MAP3K5: variants seen among roughly 807,000 people sequenced by gnomAD.
The protein encoded by MAP3K5 is ASK-1.
MAP3K5 carries 56 observed loss-of-function variants against 158.7 expected under a neutral mutation model. That is an observed-to-expected ratio of 0.35 (90% CI 0.28 to 0.44). MAP3K5 has a LOEUF of 0.44. Among genes scored for constraint, MAP3K5 ranks in the 20% least tolerant of loss-of-function variants. The pLI is 1.00. For synonymous variants in MAP3K5, 579 were observed against 601.7 expected (o/e 0.96, Z 0.55); for missense variants, 1,294 against 1,674.8 (o/e 0.77, Z 3.97).
In MAP3K5 at chr6:136,724,434, G is replaced by C. The variant is rs141300211; in HGVS notation, c.449-3845C>G. On this transcript the variant is annotated intron_variant, in intron 1 of 29. Coordinates refer to ENST00000359015, the MANE Select transcript of MAP3K5 (RefSeq NM_005923.4). Reference sequence around the variant, plus strand: ...AGCTAATTTTTGTATTTTTAGTAGAGATGGGGTTTCGCCATGTTGGCCAGG... The same window carrying C: ...AGCTAATTTTTGTATTTTTAGTAGACATGGGGTTTCGCCATGTTGGCCAGG... 2.4e-3 allele frequency among the ~76,000 whole-genome samples: 371 copies of C among 152,186 alleles called. 1 individual carries two copies. Among genetic ancestry groups the C allele is most frequent in the African/African-American group, 8.6e-3 (357 of 41,508 alleles).
chr6:136,593,745 T>G (rs1250006456), intron 21 of MAP3K5: 1 of 416,788 alleles, frequency 2.4e-6, no homozygotes, highest in East Asian at 7.0e-5. Flanking sequence ...AAGTGGTTTT[T>G]GCCAGAAACA....
chr6:136,674,979 G>C (rs1483834040), intron 7 of MAP3K5, among the ~76,000 whole-genome samples: 1 of 151,824 alleles, frequency 6.6e-6, no homozygotes, highest in Non-Finnish European at 1.5e-5. Flanking sequence ...TTAGGACACA[G>C]GTAGGTTGAA....
At chr6:136,665,669 C>T (rs532446478) in intron 8 of MAP3K5, among the ~76,000 whole-genome samples, 3 of 152,234 alleles carry the variant, frequency 2.0e-5, no homozygotes, top group Middle Eastern at 3.4e-3. Flanking sequence ...ATTTCATCAA[C>T]GGGATGAACT....
intron 7 of MAP3K5, among the ~76,000 whole-genome samples, chr6:136,688,593 G>A (rs74670674): frequency 0.012 from 1,844 of 152,018 alleles, 14 homozygotes; most frequent in Non-Finnish European, 0.021. Context: ...AGGCTAAATG[G>A]GAATTATTAA....
chr6:136,703,300 G>A (rs1780931909), intron 3 of MAP3K5, among the ~76,000 whole-genome samples: 1 of 152,210 alleles, frequency 6.6e-6, no homozygotes, highest in Non-Finnish European at 1.5e-5. Flanking sequence ...TCCAAGCTGG[G>A]CTAGGCAGGA....
chr6:136,651,752 C>G (rs1337366536), intron 10 of MAP3K5, among the ~76,000 whole-genome samples: 1 of 152,040 alleles, frequency 6.6e-6, no homozygotes, highest in African/African-American at 2.4e-5. Context: ...TTTTGAAGCT[C>G]TATAAGGGGT....
At chr6:136,583,388 A>G (rs1183987836) in intron 24 of MAP3K5, among the ~76,000 whole-genome samples, 167 bp downstream of exon 24, 1 of 152,270 alleles carries the variant, frequency 6.6e-6, no homozygotes, top group African/African-American at 2.4e-5. Flanking sequence ...CAAAACAACA[A>G]ATCAGATACT....
At chr6:136,776,917 TAAC>T (rs1784423420) in intron 1 of MAP3K5, among the ~76,000 whole-genome samples, 1 of 152,190 alleles carries the variant, frequency 6.6e-6, no homozygotes, top group South Asian at 2.1e-4. Context: ...GGTCCTTGGG[TAAC>T]CCACTCATAT....
At chr6:136,696,963 C>T (rs947047697) in intron 5 of MAP3K5, among the ~76,000 whole-genome samples, 2 of 152,210 alleles carry the variant, frequency 1.3e-5, no homozygotes, top group Non-Finnish European at 2.9e-5. Flanking sequence ...GCTGTGCCAG[C>T]AGATTTTTCT....
At chr6:136,709,463 TAGA>T (rs545812602) in intron 2 of MAP3K5, among the ~76,000 whole-genome samples, 9 of 152,202 alleles carry the variant, frequency 5.9e-5, no homozygotes, top group African/African-American at 9.6e-5. Context: ...CTTGTGCTGC[TAGA>T]AGGAGAGATG....
intron 27 of MAP3K5, 117 bp downstream of exon 27, chr6:136,562,386 G>C: frequency 2.0e-6 from 1 of 495,776 alleles, no homozygotes; most frequent in Non-Finnish European, 3.6e-6. Context: ...CCTGCTTGCA[G>C]TCATGGTAGA....
At chr6:136,768,586 T>G (rs1057066483) in intron 1 of MAP3K5, among the ~76,000 whole-genome samples, 1 of 152,214 alleles carries the variant, frequency 6.6e-6, no homozygotes, top group Non-Finnish European at 1.5e-5. Context: ...CTTCATTCAT[T>G]GTTGGTACGA....
chr6:136,672,823 C>A (rs1412052311), intron 7 of MAP3K5, among the ~76,000 whole-genome samples: 2 of 151,672 alleles, frequency 1.3e-5, no homozygotes, highest in African/African-American at 4.8e-5. Flanking sequence ...AATCCTATTT[C>A]TACTAAAAAT....
intron 1 of MAP3K5, among the ~76,000 whole-genome samples, chr6:136,727,018 G>A (rs1781998642): frequency 6.6e-6 from 1 of 152,054 alleles, no homozygotes; most frequent in Non-Finnish European, 1.5e-5. Flanking sequence ...CAGTAACACA[G>A]CACTGTTTAA....
At chr6:136,785,149 A>T (rs1784789817) in intron 1 of MAP3K5, among the ~76,000 whole-genome samples, 1 of 152,276 alleles carries the variant, frequency 6.6e-6, no homozygotes, top group African/African-American at 2.4e-5. Flanking sequence ...CATCTGGGAT[A>T]GATGGGATAC....
intron 7 of MAP3K5, among the ~76,000 whole-genome samples, chr6:136,686,799 C>A (rs946744832): frequency 1.3e-5 from 2 of 152,148 alleles, no homozygotes; most frequent in Admixed American, 1.3e-4. Flanking sequence ...GAAAAACATT[C>A]CATGCTCATG....
intron 10 of MAP3K5, among the ~76,000 whole-genome samples, chr6:136,655,197 T>C (rs1288689372): frequency 1.3e-5 from 2 of 152,228 alleles, no homozygotes; most frequent in African/African-American, 4.8e-5. Flanking sequence ...TTCTAGTCAA[T>C]CAAGTCAATA....
At chr6:136,598,989 G>A (rs1360218685) in intron 21 of MAP3K5, among the ~76,000 whole-genome samples, 2 of 152,144 alleles carry the variant, frequency 1.3e-5, no homozygotes, top group African/African-American at 4.8e-5. Flanking sequence ...TGGCCAACAT[G>A]GCGAAACCCC....
chr6:136,570,288 T>G (rs541583916), intron 25 of MAP3K5, among the ~76,000 whole-genome samples: 14 of 152,346 alleles, frequency 9.2e-5, no homozygotes, highest in Admixed American at 4.6e-4. Context: ...CCTCTAAATC[T>G]CTGGCTGCTA....
Sources: allele counts gnomAD v4.1 joint callset (sites outside exome capture counted in the v4.1 genomes callset), GRCh38; gene constraint gnomAD v4.1.1; transcripts MANE v1.5; gene names NCBI Gene and HGNC (gene_info 2026-07-23, HGNC 2026-07-21).